Variants in DEPDC1B observed in about 807,000 individuals in gnomAD.
The protein encoded by DEPDC1B is DEP domain containing 1B.
A neutral mutation model predicts 66.5 loss-of-function variants in DEPDC1B; 51 were observed. That is an observed-to-expected ratio of 0.77 (90% CI 0.61 to 0.97). The LOEUF is 0.97. DEPDC1B is among the 50% of genes least tolerant of loss of function. The pLI, the probability that DEPDC1B is intolerant of heterozygous loss-of-function variation, is 0.00. For missense variants in DEPDC1B, 552 were observed against 637.1 expected (o/e 0.87, Z 1.44); for synonymous variants, 226 against 223.6 (o/e 1.01, Z -0.10).
intron 7 of DEPDC1B, among the ~76,000 whole-genome samples, chr5:60,620,389 A>T (rs1352617865): frequency 6.6e-6 from 1 of 152,214 alleles, no homozygotes; most frequent in Non-Finnish European, 1.5e-5. Flanking sequence ...CAATCTATTC[A>T]TCTGACAAAG....
chr5:60,642,904 A>G, intron 5 of DEPDC1B, 45 bp from the exon 6 acceptor site: 3 of 1,396,494 alleles, frequency 2.1e-6, no homozygotes, highest in Non-Finnish European at 3.0e-6. Flanking sequence ...ATAACTCAAG[A>G]CATCATATAC....
At chr5:60,660,566 A>G (rs548226056) in intron 2 of DEPDC1B, among the ~76,000 whole-genome samples, 1 of 152,200 alleles carries the variant, frequency 6.6e-6, no homozygotes, top group East Asian at 1.9e-4. Flanking sequence ...GATGGCCCAA[A>G]TGCATTCAAT....
At chr5:60,651,420 C>T (rs963766594) in intron 2 of DEPDC1B, among the ~76,000 whole-genome samples, 2 of 151,586 alleles carry the variant, frequency 1.3e-5, no homozygotes, top group African/African-American at 2.4e-5. Flanking sequence ...TCCAGCTACT[C>T]GGAAGGCAAA....
intron 7 of DEPDC1B, among the ~76,000 whole-genome samples, chr5:60,632,199 G>A (rs1322309034): frequency 1.3e-5 from 2 of 152,170 alleles, no homozygotes; most frequent in Admixed American, 6.5e-5. Context: ...GCCATCTGTC[G>A]GGGCAGCCCA....
Position 60,597,481 on chromosome 5 carries a change from C to A in DEPDC1B, c.*272G>T. ...AAGAAAGCACAGAGATAAAAATACC[C>A]TTAAATTCTGTAGCAATTACAAACA... On this transcript the variant is annotated 3_prime_UTR_variant, in exon 11 of 11. Transcript: ENST00000265036. The A allele has an allele frequency of 7.0e-6, 2 of 285,316 alleles. No individual in the cohort carries two copies. Among genetic ancestry groups the A allele is most frequent in the Non-Finnish European group, 6.4e-6 (1 of 155,396 alleles). The allele number at this position is 285,316 out of a possible 1,614,324, so 17.7% of individuals were successfully genotyped here. A position where few individuals can be genotyped will look rare whatever the true frequency, so the allele number is the denominator to read the frequency against.
intron 5 of DEPDC1B, among the ~76,000 whole-genome samples, 160 bp from the exon 6 acceptor site, chr5:60,643,019 C>T (rs943267883): frequency 6.6e-6 from 1 of 152,068 alleles, no homozygotes; most frequent in Non-Finnish European, 1.5e-5. Context: ...AAGATGGAAA[C>T]CTTTCCTTGT....
chr5:60,692,621 T>C (rs1171277801), intron 1 of DEPDC1B, among the ~76,000 whole-genome samples: 1 of 152,132 alleles, frequency 6.6e-6, no homozygotes, highest in Non-Finnish European at 1.5e-5. Context: ...TGGCAATATC[T>C]ACAAAAGCTA....
At chr5:60,636,718 T>C (rs1477217863) in intron 7 of DEPDC1B, among the ~76,000 whole-genome samples, 1 of 152,082 alleles carries the variant, frequency 6.6e-6, no homozygotes, top group Non-Finnish European at 1.5e-5. Context: ...TCTAAGAAAA[T>C]AGTTTTCGAT....
At chr5:60,671,048 CA>C (rs1322752795) in intron 2 of DEPDC1B, among the ~76,000 whole-genome samples, 2 of 152,060 alleles carry the variant, frequency 1.3e-5, no homozygotes, top group Non-Finnish European at 2.9e-5. Flanking sequence ...TGGGTTTGTA[CA>C]GAAACATTAG....
intron 8 of DEPDC1B, among the ~76,000 whole-genome samples, chr5:60,604,881 A>C (rs111897786): frequency 0.011 from 1,630 of 152,280 alleles, 11 homozygotes; most frequent in Non-Finnish European, 0.019. Flanking sequence ...ACTCCAAAAA[A>C]ATATAGAGAT....
At chr5:60,680,417 T>TA (rs34743672) in intron 2 of DEPDC1B, among the ~76,000 whole-genome samples, 7 of 151,608 alleles carry the variant, frequency 4.6e-5, no homozygotes, top group Non-Finnish European at 7.4e-5. Context: ...CTTGAGTCTT[T>TA]AAAAAAAAAT....
intron 7 of DEPDC1B, among the ~76,000 whole-genome samples, chr5:60,608,713 G>A (rs1434870693): frequency 6.6e-6 from 1 of 151,860 alleles, no homozygotes; most frequent in East Asian, 1.9e-4. Flanking sequence ...AAACAAATAT[G>A]TAAAAATTAT....
In DEPDC1B at chr5:60,644,862, G is replaced by T. The variant is rs753822246; in HGVS notation, c.592C>A (p.Leu198Ile). ...ACTTCTTCTAAGGAATCCAGGCCAAGAATTTTCTGTAAGCTAAAAGATAAG... is the reference window on the plus strand; with the variant it reads ...ACTTCTTCTAAGGAATCCAGGCCAATAATTTTCTGTAAGCTAAAAGATAAG... ...SMTLSYLQKILGLDSLEEVLD... is the reference protein window; with the variant it reads ...SMTLSYLQKIIGLDSLEEVLD... Residue 198 changes from leucine (L) to isoleucine (I), a missense_variant, in exon 5 of 11, where the codon CTT becomes ATT. Coordinates refer to ENST00000265036, the MANE Select transcript of DEPDC1B (RefSeq NM_018369.3). The T allele has an allele frequency of 2.5e-6, 4 of 1,602,012 alleles. No individual in the cohort carries two copies. The highest frequency in any genetic ancestry group is 3.4e-6 in the Non-Finnish European group (4 of 1,174,528).
Position 60,597,818 on chromosome 5 carries a change from G to A in DEPDC1B, c.1525C>T (p.Leu509=). ...GGCTTCTTTAGTGCCCACATTAGCAGCTGTGGTTTCGGTTTGGGTTTTTCA... is the reference window on the plus strand; with the variant it reads ...GGCTTCTTTAGTGCCCACATTAGCAACTGTGGTTTCGGTTTGGGTTTTTCA... ...FPEKPKPKPQ[L]LMWALKKPFQ... The change falls in exon 11 of 11, where the codon CTG becomes TTG. Residue 509 remains leucine, a synonymous_variant. Coordinates refer to ENST00000265036, the MANE Select transcript of DEPDC1B (RefSeq NM_018369.3). The A allele has an allele frequency of 1.2e-6, 2 of 1,613,498 alleles. No homozygotes were observed. Among genetic ancestry groups the A allele is most frequent in the Non-Finnish European group, 1.7e-6 (2 of 1,179,674 alleles).
intron 2 of DEPDC1B, among the ~76,000 whole-genome samples, chr5:60,681,501 A>G (rs2112017498): frequency 6.6e-6 from 1 of 152,340 alleles, no homozygotes; most frequent in East Asian, 1.9e-4. Context: ...CTACAGGAAA[A>G]AAGTCTTTAC....
intron 3 of DEPDC1B, among the ~76,000 whole-genome samples, chr5:60,645,839 G>A (rs1426848286): frequency 2.0e-5 from 3 of 152,108 alleles, no homozygotes; most frequent in African/African-American, 7.2e-5. Context: ...TGTTATAAAT[G>A]AATATTCATG....
chr5:60,665,486 A>G (rs910338651), intron 2 of DEPDC1B, among the ~76,000 whole-genome samples: 1 of 152,162 alleles, frequency 6.6e-6, no homozygotes, highest in Non-Finnish European at 1.5e-5. Context: ...CTTCAAATGG[A>G]GCCCCAGATG....
chr5:60,680,327 G>A (rs1338284966), intron 2 of DEPDC1B, among the ~76,000 whole-genome samples: 1 of 151,960 alleles, frequency 6.6e-6, no homozygotes, highest in Non-Finnish European at 1.5e-5. Flanking sequence ...ATTATTATAG[G>A]CATTCAGATA....
intron 2 of DEPDC1B, among the ~76,000 whole-genome samples, chr5:60,665,081 C>T (rs574785660): frequency 6.6e-6 from 1 of 152,184 alleles, no homozygotes; most frequent in South Asian, 2.1e-4. Flanking sequence ...TTATAGAGGA[C>T]CCCTAGTATG....
Sources: gnomAD v4.1 joint callset for allele counts (sites outside exome capture counted in the v4.1 genomes callset) on GRCh38, gnomAD v4.1.1 for gene constraint, MANE v1.5 for transcripts, NCBI Gene and HGNC (gene_info 2026-07-23, HGNC 2026-07-21) for gene names.